Variants in MICAL3 observed in about 807,000 individuals in gnomAD.
The protein encoded by MICAL3 is microtubule associated monooxygenase, calponin and LIM domain containing 3, also known as [F-actin]-monooxygenase MICAL3.
Under a neutral mutation model 207.4 loss-of-function variants are expected in MICAL3, and 62 were observed. The ratio of observed to expected loss-of-function variants is 0.30; its 90% CI spans 0.24 to 0.37. MICAL3 has a LOEUF of 0.37. MICAL3 is among the 10% of genes least tolerant of loss of function. MICAL3 has a pLI of 1.00. For synonymous variants in MICAL3, 1,077 were observed against 1,069.3 expected, an observed-to-expected ratio of 1.01 and a Z score of -0.14; for missense variants, 2,368 against 2,635.6, an observed-to-expected ratio of 0.90 and a Z score of 2.22.
rs764971806 is a variant in MICAL3, at chr22:17,901,895, C to T, written c.674G>A (p.Arg225Gln). 10 of 1,612,966 alleles carry T rather than the reference C, an allele frequency of 6.2e-6. No homozygotes were observed. Among genetic ancestry groups the T allele is most frequent in the South Asian group, 5.5e-5 (5 of 91,010 alleles). The change falls in exon 5 of 32, where the codon CGG becomes CAG. Residue 225 changes from arginine (R) to glutamine (Q), a missense_variant. Around this residue, in one of 4 missense-constraint regions of MICAL3, gnomAD observed 400 missense variants for 547.0 expected, o/e 0.73. Transcript: ENST00000441493. ...ACCAATACCTTCCAAGGTGTTCCTC[C>T]GACCATCCCCACCGATGATCACTTC... ...EFEVIIGGDG[R>Q]RNTLEGFRRK... is the part of the protein sequence containing the mutation.
chr22:17,966,897 A>C (rs536335719), intron 1 of MICAL3, among the ~76,000 whole-genome samples: 1 of 152,346 alleles, frequency 6.6e-6, no homozygotes, highest in South Asian at 2.1e-4. Flanking sequence ...TGTAAGAACT[A>C]GACAAAGGAA....
chr22:17,821,877 C>G (rs950835652), intron 24 of MICAL3, among the ~76,000 whole-genome samples, 153 bp downstream of exon 24: 1 of 152,214 alleles, frequency 6.6e-6, no homozygotes, highest in Non-Finnish European at 1.5e-5. Context: ...GGAGGGTGGA[C>G]AGAGGAGGAA....
At chr22:17,996,398 C>T (rs1238180480) in intron 1 of MICAL3, among the ~76,000 whole-genome samples, 3 of 150,394 alleles carry the variant, frequency 2.0e-5, no homozygotes, top group East Asian at 3.9e-4. Context: ...GAGCCGAGGT[C>T]GTGCCACTGC....
rs562217843 is a variant in MICAL3 at position 17,790,498 on chromosome 22, G to T, written c.*234C>A. The T allele has an allele frequency of 1.2e-5, 7 of 569,912 alleles. No individual in the cohort carries two copies. In the African/African-American group the frequency reaches 1.3e-4, roughly 11 times the overall value. 35.3% of individuals were successfully genotyped at this position (569,912 alleles called of 1,614,324 possible). On this transcript the variant is annotated 3_prime_UTR_variant, in exon 32 of 32. Coordinates refer to ENST00000441493, the MANE Select transcript of MICAL3 (RefSeq NM_015241.3). ...GCCATACACGCCGTGCTGCTCCTCTGAGTGGGAGGTCCAGGTGGGCCTCCT... is the reference window on the plus strand; with the variant it reads ...GCCATACACGCCGTGCTGCTCCTCTTAGTGGGAGGTCCAGGTGGGCCTCCT...
rs1921160076 is a variant in MICAL3 at position 17,817,771 on chromosome 22, G to A, written c.4890C>T (p.Pro1630=). The change falls in exon 26 of 32, where the codon CCC becomes CCT. Residue 1630 remains proline, a synonymous_variant. Transcript: ENST00000441493. ...MQQMELASGA[P]RPRKASSAPS... Reference sequence around the variant, plus strand: ...GTGCTGAGGACGCCTTGCGGGGCCTGGGGGCGCCTGAGGCCAGCTCCATCT... The same window carrying A: ...GTGCTGAGGACGCCTTGCGGGGCCTAGGGGCGCCTGAGGCCAGCTCCATCT... The A allele has an allele frequency of 1.9e-6, 3 of 1,595,622 alleles. No individual in the cohort carries two copies. The highest frequency in any genetic ancestry group is 2.6e-6 in the Non-Finnish European group (3 of 1,170,672).
chr22:17,985,058 T>C (rs1343571603), intron 1 of MICAL3, among the ~76,000 whole-genome samples: 1 of 152,146 alleles, frequency 6.6e-6, no homozygotes, highest in Non-Finnish European at 1.5e-5. Flanking sequence ...CATTTTAAAC[T>C]GGGAGGCATG....
intron 1 of MICAL3, among the ~76,000 whole-genome samples, chr22:17,978,236 C>T (rs2146429386): frequency 6.6e-6 from 1 of 152,254 alleles, no homozygotes; most frequent in Admixed American, 6.5e-5. Context: ...CTGACACATG[C>T]TACAACATGA....
intron 29 of MICAL3, among the ~76,000 whole-genome samples, chr22:17,806,864 C>T (rs113969810): frequency 4.2e-4 from 64 of 152,340 alleles, no homozygotes; most frequent in African/African-American, 1.5e-3. Context: ...AAAACCCTAA[C>T]GCCAATCTTC....
At chr22:17,856,771 G>A (rs929732211) in intron 19 of MICAL3, among the ~76,000 whole-genome samples, 11 of 151,902 alleles carry the variant, frequency 7.2e-5, no homozygotes, top group Non-Finnish European at 1.0e-4. Context: ...ACAGGCGCCC[G>A]CCACCGCGCC....
At chr22:17,969,288 C>T (rs763638267) in intron 1 of MICAL3, among the ~76,000 whole-genome samples, 3 of 152,242 alleles carry the variant, frequency 2.0e-5, no homozygotes, top group Non-Finnish European at 4.4e-5. Flanking sequence ...ATCCACCTGC[C>T]TCGGCCTCCC....
rs191804867 is a variant in MICAL3 at position 17,977,435 on chromosome 22, A to G, written c.-75+46846T>C. On this transcript the variant is annotated intron_variant, in intron 1 of 31. Transcript: ENST00000441493. ...AGAAGCACAAGAAAAGAAAGACGCC[A>G]ATAAGCACATGAAAGGATGCTCAAC... Among the ~76,000 whole-genome samples the G allele has an allele frequency of 2.0e-5, 3 of 152,308 alleles. No homozygotes were observed. The East Asian group carries it at 5.8e-4, about 29-fold the overall frequency.
intron 29 of MICAL3, among the ~76,000 whole-genome samples, chr22:17,801,335 A>G (rs1337634152): frequency 2.3e-4 from 23 of 100,606 alleles, no homozygotes; most frequent in African/African-American, 1.4e-3. Context: ...TTGTATTTTT[A>G]GTAGAGACGG....
chr22:17,886,132 G>A, intron 15 of MICAL3, 81 bp from the exon 16 acceptor site: 1 of 1,481,798 alleles, frequency 6.7e-7, no homozygotes, highest in Non-Finnish European at 9.3e-7. Flanking sequence ...AGTGCACTCA[G>A]GACCTGGCAT....
intron 17 of MICAL3, among the ~76,000 whole-genome samples, chr22:17,866,613 C>CAGAATAGAAT (rs60628065): frequency 0.1 from 14,151 of 136,172 alleles, 809 homozygotes; most frequent in South Asian, 0.13. Context: ...TAGAACAGAA[C>CAGAATAGAAT]AGAATAGAAT....
intron 25 of MICAL3, among the ~76,000 whole-genome samples, chr22:17,820,981 CATA>C (rs1464445979): frequency 1.3e-4 from 18 of 142,384 alleles, no homozygotes; most frequent in South Asian, 4.3e-4. Flanking sequence ...TATTTATAAA[CATA>C]AATTTTAATA....
intron 28 of MICAL3, 72 bp from the exon 29 acceptor site, chr22:17,809,009 C>T (rs2062015897): frequency 1.5e-6 from 2 of 1,306,388 alleles, no homozygotes; most frequent in Admixed American, 4.0e-5. Context: ...ACTCCACACC[C>T]ACACGAGGGG....
At chr22:17,907,688 G>T (rs185570563) in intron 1 of MICAL3, among the ~76,000 whole-genome samples, 12 of 152,340 alleles carry the variant, frequency 7.9e-5, no homozygotes, top group Admixed American at 5.9e-4. Context: ...CCACCTTCAA[G>T]AGGCTGGGAG....
chr22:17,823,118 A>G (rs1166690053), intron 22 of MICAL3, 58 bp from the exon 23 acceptor site: 4 of 1,175,656 alleles, frequency 3.4e-6, no homozygotes, highest in Non-Finnish European at 3.8e-6. Flanking sequence ...GACAGGCTGC[A>G]TCTTCACGGG....
chr22:17,944,044 T>C (rs972770156), intron 1 of MICAL3, among the ~76,000 whole-genome samples: 2 of 152,156 alleles, frequency 1.3e-5, no homozygotes, highest in African/African-American at 4.8e-5. Context: ...CTCTGTCCCA[T>C]CTGCCCAGTG....
Sources: allele counts gnomAD v4.1 joint callset (sites outside exome capture counted in the v4.1 genomes callset), GRCh38; gene constraint gnomAD v4.1.1; regional missense constraint gnomAD v4.1.1; transcripts MANE v1.5; gene names NCBI Gene and HGNC (gene_info 2026-07-23, HGNC 2026-07-21).